The following NUP133 variants were observed in gnomAD, a reference collection of about 807,000 sequenced individuals.
NUP133 encodes nuclear pore complex protein Nup133.
NUP133 carries 66 observed loss-of-function variants against 146.2 expected under a neutral mutation model. The ratio of observed to expected loss-of-function variants is 0.45; its 90% CI spans 0.37 to 0.55. NUP133 has a LOEUF of 0.55. Ranked by LOEUF, NUP133 falls within the 20% of genes least tolerant of loss-of-function variation. The pLI, the probability that NUP133 is intolerant of heterozygous loss-of-function variation, is 0.00. For missense variants in NUP133, 1,277 were observed against 1,374.8 expected, an observed-to-expected ratio of 0.93 and a Z score of 1.12; for synonymous variants, 521 against 498.8, an observed-to-expected ratio of 1.04 and a Z score of -0.59.
At chr1:229,487,778 A>G (rs1474598927) in intron 9 of NUP133, among the ~76,000 whole-genome samples, 165 bp from the exon 10 acceptor site, 1 of 152,074 alleles carries the variant, frequency 6.6e-6, no homozygotes, top group Non-Finnish European at 1.5e-5. Context: ...ATGACAGAGT[A>G]AGTTTATAAA....
Position 229,499,665 on chromosome 1 carries a change from A to C in NUP133, c.648+19T>G. The C allele has an allele frequency of 6.3e-7, 1 of 1,585,476 alleles. No individual in the cohort carries two copies. The highest frequency in any genetic ancestry group is 1.9e-5 in the Admixed American group (1 of 52,760). On this transcript the variant is annotated intron_variant, in intron 5 of 25. Transcript: ENST00000261396. Reference sequence around the variant, plus strand: ...AATCACAGCTTTCCAATAAATATAAAGGAATATCCGTGGTATACCTGCACT... The same window carrying C: ...AATCACAGCTTTCCAATAAATATAACGGAATATCCGTGGTATACCTGCACT...
chr1:229,448,716 G>A (rs1403445396), intron 24 of NUP133: 1 of 194,452 alleles, frequency 5.1e-6, no homozygotes, highest in Non-Finnish European at 1.0e-5. Flanking sequence ...GGGTCATCGG[G>A]ACCGCTCTCT....
At position 229,458,292 on chromosome 1, in the gene NUP133, T is replaced by C. The variant is rs1488698664; in HGVS notation, c.2849A>G (p.His950Arg). The C allele has an allele frequency of 1.9e-6, 3 of 1,612,324 alleles. No individual in the cohort carries two copies. Among genetic ancestry groups the C allele is most frequent in the Middle Eastern group, 1.7e-4 (1 of 6,050 alleles). The change falls in exon 21 of 26, where the codon CAT becomes CGT. Residue 950 changes from histidine (H) to arginine (R), a missense_variant. By Grantham distance (29) the His-to-Arg change is conservative. Transcript: ENST00000261396. ...EINSQELEKAHATLLGLANME... is the reference protein window; with the variant it reads ...EINSQELEKARATLLGLANME... The stretch of plus-strand genomic sequence containing the variant: ...ATTTGCCAAACCCAGAAGTGTTGCA[T>C]GAGCCTACAATAAAATATGCAAACC...
intron 5 of NUP133, among the ~76,000 whole-genome samples, 159 bp from the exon 6 acceptor site, chr1:229,498,465 C>T (rs1238905015): frequency 6.6e-6 from 1 of 152,104 alleles, no homozygotes; most frequent in Admixed American, 6.5e-5. Context: ...ATTTCAGAAT[C>T]CATTCAGTTA....
At chr1:229,457,363 T>C (rs1660593240) in intron 21 of NUP133, among the ~76,000 whole-genome samples, 1 of 152,178 alleles carries the variant, frequency 6.6e-6, no homozygotes, top group East Asian at 1.9e-4. Context: ...TCTCCTTGGT[T>C]CTAAAAAATA....
intron 14 of NUP133, 81 bp from the exon 15 acceptor site, chr1:229,470,885 C>G (rs1289961067): frequency 2.4e-6 from 3 of 1,262,442 alleles, no homozygotes; most frequent in Non-Finnish European, 3.4e-6. Context: ...TCCCCAGAAG[C>G]ACCCTGGGCA....
At position 229,508,213 on chromosome 1, in the gene NUP133, T is replaced by A; in HGVS notation, c.37A>T (p.Thr13Ser). 6.4e-7 allele frequency: 1 copy of A among 1,552,768 alleles called. No individual in the cohort carries two copies. Among genetic ancestry groups the A allele is most frequent in the South Asian group, 1.2e-5 (1 of 84,878 alleles). Residue 13 changes from threonine (T) to serine (S), a missense_variant, in exon 1 of 26, where the codon ACC becomes TCC. Coordinates refer to ENST00000261396, the MANE Select transcript of NUP133 (RefSeq NM_018230.3). ...GCCAGCGGGCCCCTTCGGGACCCGG[T>A]ACCCGGGGTCCGCGGAGAAGGGGCG... ...PAAPSPRTPGTGSRRGPLAGL... is the reference protein window; with the variant it reads ...PAAPSPRTPGSGSRRGPLAGL...
intron 8 of NUP133, 86 bp downstream of exon 8, chr1:229,495,409 T>G: frequency 6.7e-6 from 6 of 893,504 alleles, no homozygotes; most frequent in Non-Finnish European, 1.1e-5. Context: ...GAGCACATAG[T>G]GAGATTGCTC....
At chr1:229,445,055 T>A (rs2102744469) in intron 24 of NUP133, 53 bp from the exon 25 acceptor site, 1 of 1,245,584 alleles carries the variant, frequency 8.0e-7, no homozygotes, top group Non-Finnish European at 1.2e-6. Flanking sequence ...TATAGCTGAA[T>A]TAAATGATTT....
At chr1:229,494,411 G>A (rs543281336) in intron 8 of NUP133, among the ~76,000 whole-genome samples, 1 of 152,048 alleles carries the variant, frequency 6.6e-6, no homozygotes, top group African/African-American at 2.4e-5. Context: ...TCCCTCCAAG[G>A]AACACGTAGA....
chr1:229,460,642 A>G lies in NUP133; in HGVS notation c.2813T>C (p.Leu938Ser), dbSNP rs1558092697. 1.9e-6 allele frequency: 3 copies of G among 1,614,004 alleles called. No individual in the cohort carries two copies. Among genetic ancestry groups the G allele is most frequent in the Non-Finnish European group, 2.5e-6 (3 of 1,179,968 alleles). The change falls in exon 20 of 26, where the codon TTA becomes TCA. Residue 938 changes from leucine (L) to serine (S), a missense_variant. Physicochemically the swap from Leu to Ser is moderately radical, Grantham distance 145. Transcript: ENST00000261396. The part of the protein sequence containing the change: ...FLQAHEHLSW[L>S]HEINSQELEK... ...TAATTCTTGGCTATTAATTTCATGT[A>G]ACCAGCTGAGATGTTCATGAGCTTG...
intron 19 of NUP133, among the ~76,000 whole-genome samples, chr1:229,462,332 A>C (rs999307660): frequency 1.3e-5 from 2 of 152,268 alleles, no homozygotes; most frequent in Non-Finnish European, 2.9e-5. Context: ...ATGTTTGTTT[A>C]TAATACATAG....
chr1:229,454,663 G>T (rs976169890), intron 21 of NUP133, among the ~76,000 whole-genome samples: 2 of 152,136 alleles, frequency 1.3e-5, no homozygotes, highest in Non-Finnish European at 2.9e-5. Context: ...TGTTCCCATC[G>T]CGTTAAGAAA....
chr1:229,494,000 A>T (rs1176188573), intron 8 of NUP133, among the ~76,000 whole-genome samples: 1 of 151,942 alleles, frequency 6.6e-6, no homozygotes, highest in Middle Eastern at 3.2e-3. Context: ...GAGTGGTGGC[A>T]CCCACCTATA....
intron 1 of NUP133, 131 bp downstream of exon 1, chr1:229,507,937 T>C: frequency 7.9e-7 from 1 of 1,266,566 alleles, no homozygotes; most frequent in Non-Finnish European, 1.0e-6. Flanking sequence ...GTGGAAAAGG[T>C]CTATTTTCCA....
At chr1:229,463,368 A>G (rs1404535641) in intron 19 of NUP133, among the ~76,000 whole-genome samples, 175 bp downstream of exon 19, 1 of 152,184 alleles carries the variant, frequency 6.6e-6, no homozygotes, top group East Asian at 1.9e-4. Flanking sequence ...TGATCTCGCT[A>G]CTGGACAAAA....
intron 22 of NUP133, among the ~76,000 whole-genome samples, chr1:229,451,744 T>C (rs1339761660): frequency 6.6e-6 from 1 of 152,176 alleles, no homozygotes; most frequent in Non-Finnish European, 1.5e-5. Flanking sequence ...CAAAAGATAA[T>C]AGTTTTATTT....
At position 229,506,146 on chromosome 1, in the gene NUP133, T is replaced by C. The variant is rs1489367770; in HGVS notation, c.195A>G (p.Thr65=). 7 of 1,602,510 alleles carry C rather than the reference T, an allele frequency of 4.4e-6. No homozygotes were observed. The highest frequency in any genetic ancestry group is 1.3e-5 in the African/African-American group (1 of 74,676). Residue 65 remains threonine, a synonymous_variant, in exon 2 of 26, where the codon ACA becomes ACG. Transcript: ENST00000261396. The stretch of plus-strand genomic sequence containing the variant: ...TTATGGAGTGGTGTGGGAACATTCG[T>C]GTTGGTGTTCCCCTAAAGAAAAGAG... ...RSSLSSRGTP[T]RMFPHHSITE...
Position 229,449,882 on chromosome 1 carries a change from T to A in NUP133, c.3180+643A>T, listed in dbSNP as rs1475648263. On this transcript the variant is annotated intron_variant, in intron 23 of 25. Coordinates refer to ENST00000261396, the MANE Select transcript of NUP133 (RefSeq NM_018230.3). Reference sequence around the variant, plus strand: ...ATATATATATATATATATTTTTTTTTTTTTTTTTTTTTTTTTTGAGACAGT... The same window carrying A: ...ATATATATATATATATATTTTTTTTATTTTTTTTTTTTTTTTTGAGACAGT... Among the ~76,000 whole-genome samples, 397 of 116,740 alleles carry A rather than the reference T, an allele frequency of 3.4e-3. 1 individual carries two copies. The highest frequency in any genetic ancestry group is 3.8e-3 in the African/African-American group (110 of 28,858). 76.6% of individuals were successfully genotyped at this position (116,740 alleles called of 152,430 possible). A position where few individuals can be genotyped will look rare whatever the true frequency, so the allele number is the denominator to read the frequency against.
Sources: allele counts gnomAD v4.1 joint callset (sites outside exome capture counted in the v4.1 genomes callset), GRCh38; gene constraint gnomAD v4.1.1; transcripts MANE v1.5; gene names NCBI Gene and HGNC (gene_info 2026-07-23, HGNC 2026-07-21).